ARPP21: variants seen among roughly 807,000 people sequenced by gnomAD.
ARPP21 encodes the protein cAMP regulated phosphoprotein 21, also known as cAMP-regulated phosphoprotein 21.
ARPP21 carries 69 observed loss-of-function variants against 113.2 expected under a neutral mutation model. The observed-to-expected ratio is 0.61, with a 90% CI of 0.50 to 0.74. The LOEUF is 0.74. Ranked by LOEUF, ARPP21 falls within the 30% of genes least tolerant of loss-of-function variation. The pLI is 0.00. For missense variants in ARPP21, 1,070 were observed against 1,037.4 expected, an observed-to-expected ratio of 1.03 and a Z score of -0.43; for synonymous variants, 368 against 375.5, an observed-to-expected ratio of 0.98 and a Z score of 0.23.
chr3:35,721,821 G>C lies in ARPP21; in HGVS notation c.1212G>C (p.Lys404Asn). ...DSTSSTRSTG[K>N]LSKAGSESSS... ...CTTCCAGTACTAGGAGTACCGGGAA[G>C]CTGTCCAAAGCAGGTAGTTAGTACT... The change falls in exon 14 of 21, where the codon AAG (lysine) becomes AAC (asparagine). Residue 404 changes from lysine (K) to asparagine (N), a missense_variant. Transcript: ENST00000684406. 1 of 1,604,466 alleles carries C rather than the reference G, an allele frequency of 6.2e-7. No individual in the cohort carries two copies. The highest frequency in any genetic ancestry group is 8.5e-7 in the Non-Finnish European group (1 of 1,174,582).
At chr3:35,753,046 G>A (rs1420877370) in intron 19 of ARPP21, among the ~76,000 whole-genome samples, 1 of 133,144 alleles carries the variant, frequency 7.5e-6, no homozygotes, top group Non-Finnish European at 1.6e-5. Context: ...CAGGAAGTGT[G>A]TGTGTGTGTG....
At chr3:35,658,209 A>C (rs1387494425) in intron 1 of ARPP21, among the ~76,000 whole-genome samples, 2 of 152,054 alleles carry the variant, frequency 1.3e-5, no homozygotes, top group Non-Finnish European at 2.9e-5. Flanking sequence ...CAGTGGAAAA[A>C]GCATGGGTTT....
At chr3:35,748,189 AAG>A (rs1370763210) in intron 19 of ARPP21, among the ~76,000 whole-genome samples, 1 of 148,212 alleles carries the variant, frequency 6.7e-6, no homozygotes, top group Non-Finnish European at 1.5e-5. Context: ...GAAAGAAAGA[AAG>A]AAAGAGAGAG....
chr3:35,670,916 C>T (rs1575633715), intron 1 of ARPP21, among the ~76,000 whole-genome samples: 2 of 152,226 alleles, frequency 1.3e-5, no homozygotes, highest in African/African-American at 4.8e-5. Context: ...AACTTAGAGT[C>T]TAGTGCTGGC....
At chr3:35,690,603 C>T (rs533483292) in intron 8 of ARPP21, among the ~76,000 whole-genome samples, 7 of 151,574 alleles carry the variant, frequency 4.6e-5, no homozygotes, top group African/African-American at 1.7e-4. Flanking sequence ...GACTAAAATA[C>T]AATACTGTCC....
At chr3:35,671,168 C>T (rs764141235) in intron 1 of ARPP21, among the ~76,000 whole-genome samples, 10 of 152,098 alleles carry the variant, frequency 6.6e-5, no homozygotes, top group East Asian at 1.9e-4. Flanking sequence ...TTCTGCAACC[C>T]GCTCTTCAGC....
At position 35,687,746 on chromosome 3, in the gene ARPP21, T is replaced by A; in HGVS notation, c.269T>A (p.Ile90Asn). 6.2e-7 allele frequency: 1 copy of A among 1,600,492 alleles called. No individual in the cohort carries two copies. Among genetic ancestry groups the A allele is most frequent in the Non-Finnish European group, 8.5e-7 (1 of 1,174,952 alleles). ...ATATTTTTTCCCCAACAGGAATCAA[T>A]TCATTTACAGCTTTCCAGTTTTTCC... is the stretch of plus-strand genomic sequence containing the variant. ...GGESLQDQES[I>N]HLQLSSFSSL... Residue 90 changes from isoleucine (I) to asparagine (N), a missense_variant, in exon 6 of 21, where the codon ATT becomes AAT. By Grantham distance (149) the Ile-to-Asn change is moderately radical. Coordinates refer to ENST00000684406, the MANE Select transcript of ARPP21 (RefSeq NM_001385562.1).
At chr3:35,689,040 C>T in intron 6 of ARPP21, among the ~76,000 whole-genome samples, 1 of 151,464 alleles carries the variant, frequency 6.6e-6, no homozygotes, top group East Asian at 2.0e-4. Flanking sequence ...TCCACCTCTC[C>T]CCCACACCCA....
rs190255230 is a variant in ARPP21, at chr3:35,704,248, G to A, written c.687-2726G>A. ...GGATGCATTTTGCATAATTTGTATT[G>A]GGAAATATTTTTGCTCTAAACAATA... On this transcript the variant is annotated intron_variant, in intron 9 of 20. Coordinates refer to ENST00000684406, the MANE Select transcript of ARPP21 (RefSeq NM_001385562.1). Among the ~76,000 whole-genome samples, 665 of 151,676 alleles carry A rather than the reference G, an allele frequency of 4.4e-3. 7 individuals carry two copies. The highest frequency in any genetic ancestry group is 0.015 in the African/African-American group (622 of 41,452).
At chr3:35,755,322 C>A (rs1371505789) in intron 19 of ARPP21, among the ~76,000 whole-genome samples, 2 of 151,900 alleles carry the variant, frequency 1.3e-5, no homozygotes, top group Non-Finnish European at 1.5e-5. Flanking sequence ...CACCACCTTC[C>A]CAAACCTAAG....
At chr3:35,688,368 A>G (rs2081225491) in intron 6 of ARPP21, among the ~76,000 whole-genome samples, 1 of 151,616 alleles carries the variant, frequency 6.6e-6, no homozygotes, top group Admixed American at 6.6e-5. Context: ...TATCTGGCTC[A>G]GAATTTAGTC....
intron 9 of ARPP21, among the ~76,000 whole-genome samples, chr3:35,704,526 C>A (rs947032907): frequency 4.0e-5 from 6 of 151,832 alleles, no homozygotes; most frequent in Non-Finnish European, 7.4e-5. Flanking sequence ...TTAAAACAAA[C>A]AAAAACATTT....
rs1288995530 is a variant in ARPP21, at chr3:35,721,816, G to A, written c.1207G>A (p.Gly403Arg). 1.7e-5 allele frequency: 28 copies of A among 1,607,692 alleles called. No homozygotes were observed. Among genetic ancestry groups the A allele is most frequent in the East Asian group, 2.2e-5 (1 of 44,700 alleles). Residue 403 changes from glycine to arginine, a missense_variant, in exon 14 of 21, where the codon GGG (glycine) becomes AGG (arginine). Coordinates refer to ENST00000684406, the MANE Select transcript of ARPP21 (RefSeq NM_001385562.1). ...GDSTSSTRST[G>R]KLSKAGSESS... ...CAGCACTTCCAGTACTAGGAGTACC[G>A]GGAAGCTGTCCAAAGCAGGTAGTTA...
chr3:35,778,357 A>G (rs1483757310), intron 19 of ARPP21, among the ~76,000 whole-genome samples: 4 of 151,840 alleles, frequency 2.6e-5, no homozygotes, highest in Non-Finnish European at 4.4e-5. Flanking sequence ...TGCTAATGGA[A>G]GGCATCAGCT....
chr3:35,656,006 G>C (rs1704684324), intron 1 of ARPP21, among the ~76,000 whole-genome samples: 1 of 151,900 alleles, frequency 6.6e-6, no homozygotes, highest in African/African-American at 2.4e-5. Context: ...TTGCATGATT[G>C]AGATTTTATA....
intron 19 of ARPP21, among the ~76,000 whole-genome samples, chr3:35,753,041 AGTGTGTGTGTGTGT>A (rs3086930): frequency 1.4e-5 from 2 of 144,068 alleles, no homozygotes; most frequent in South Asian, 2.3e-4. Context: ...TATGGCAGGA[AGTGTGTGTGTGTGT>A]GTGTGTGTGT....
chr3:35,687,477 C>T (rs773232779), intron 5 of ARPP21, among the ~76,000 whole-genome samples: 14 of 150,940 alleles, frequency 9.3e-5, no homozygotes, highest in Middle Eastern at 3.2e-3. Flanking sequence ...TTGTGATCTA[C>T]AGGAATTCAA....
At chr3:35,770,348 C>A (rs960589005) in intron 19 of ARPP21, among the ~76,000 whole-genome samples, 1 of 151,996 alleles carries the variant, frequency 6.6e-6, no homozygotes, top group African/African-American at 2.4e-5. Flanking sequence ...TATATATTGG[C>A]AAGATTAGTA....
In ARPP21 at chr3:35,653,589, C is replaced by T. The variant is rs539428722; in HGVS notation, c.-213+13191C>T. On this transcript the variant is annotated intron_variant, in intron 1 of 20. Transcript: ENST00000684406. The stretch of plus-strand genomic sequence containing the variant: ...CATATCTTTGGGACACACTCTCCCC[C>T]GGTGTCATAGGAAGGGGGTAGGTTT... Among the ~76,000 whole-genome samples, 11 of 152,134 alleles carry T rather than the reference C, an allele frequency of 7.2e-5. No individual in the cohort carries two copies. In the South Asian group the frequency reaches 8.3e-4, roughly 11 times the overall value.
Sources: gnomAD v4.1 joint callset for allele counts (sites outside exome capture counted in the v4.1 genomes callset) on GRCh38, gnomAD v4.1.1 for gene constraint, MANE v1.5 for transcripts, NCBI Gene and HGNC (gene_info 2026-07-23, HGNC 2026-07-21) for gene names.